The following NTS variants were observed in gnomAD, a reference collection of about 807,000 sequenced individuals.
NTS encodes the protein neurotensin/neuromedin N.
Under a neutral mutation model 19.5 loss-of-function variants are expected in NTS, and 20 were observed. The ratio of observed to expected loss-of-function variants is 1.02; its 90% CI spans 0.72 to 1.49. NTS has a LOEUF of 1.49. NTS is among the 40% of genes most tolerant of loss of function. NTS has a pLI of 0.00. For synonymous variants in NTS, 71 were observed against 63.3 expected (o/e 1.12, Z -0.58); for missense variants, 215 against 193.1 (o/e 1.11, Z -0.67).
chr12:85,874,344 G>T lies in NTS; in HGVS notation c.-60G>T. 8.3e-7 allele frequency: 1 copy of T among 1,205,604 alleles called. No individual in the cohort carries two copies. The highest frequency in any genetic ancestry group is 1.2e-5 in the South Asian group (1 of 82,812). 74.7% of individuals were successfully genotyped at this position (1,205,604 alleles called of 1,614,324 possible). ...GCTGAAGGAAAGAGGAAGTGCTAGA[G>T]AGAGCCCCCTTCAGTGTGCTTCTGA... On this transcript the variant is annotated 5_prime_UTR_variant, in exon 1 of 4. Coordinates refer to ENST00000256010, the MANE Select transcript of NTS (RefSeq NM_006183.5).
rs2136595924 is a variant in NTS at position 85,882,973 on chromosome 12, A to T, written c.*598A>T. On this transcript the variant is annotated 3_prime_UTR_variant, in exon 4 of 4. Coordinates refer to ENST00000256010, the MANE Select transcript of NTS (RefSeq NM_006183.5). ...AATGAACTTGATAGCTAATAAAAAG[A>T]CAACTAGCCATCAAAATCATATGTT... The T allele has an allele frequency of 6.6e-6, 1 of 152,224 alleles. No individual in the cohort carries two copies. Among genetic ancestry groups the T allele is most frequent in the Admixed American group, 6.5e-5 (1 of 15,290 alleles). 9.4% of individuals were successfully genotyped at this position (152,224 alleles called of 1,614,324 possible). A position where few individuals can be genotyped will look rare whatever the true frequency, so the allele number is the denominator to read the frequency against.
intron 1 of NTS, among the ~76,000 whole-genome samples, chr12:85,875,515 T>C (rs1346501315): frequency 1.3e-5 from 2 of 152,094 alleles, no homozygotes; most frequent in Non-Finnish European, 2.9e-5. Flanking sequence ...ATTTTAAATT[T>C]ATTTTAATCA....
intron 3 of NTS, among the ~76,000 whole-genome samples, chr12:85,881,046 AC>A (rs1181018614): frequency 1.3e-5 from 2 of 152,154 alleles, no homozygotes; most frequent in Non-Finnish European, 2.9e-5. Context: ...ATCCAAAAAA[AC>A]CTCAGTAAAC....
intron 3 of NTS, among the ~76,000 whole-genome samples, chr12:85,879,869 A>C (rs1414599045): frequency 6.8e-6 from 1 of 146,022 alleles, no homozygotes; most frequent in Non-Finnish European, 1.5e-5. Context: ...TATATTTAAA[A>C]TATATATAAA....
At chr12:85,882,105 T>A (rs1881515366) in intron 3 of NTS, 118 bp from the exon 4 acceptor site, 1 of 750,118 alleles carries the variant, frequency 1.3e-6, no homozygotes. Context: ...ATGTATCTCG[T>A]ATCTCACCTA....
rs149919918 is a variant in NTS at position 85,882,366 on chromosome 12, C to T, written c.504C>T (p.Tyr168=). The change falls in exon 4 of 4, where the codon TAC becomes TAT. Residue 168 remains tyrosine, a synonymous_variant. Coordinates refer to ENST00000256010, the MANE Select transcript of NTS (RefSeq NM_006183.5). ...CCTACATACTCAAAAGAGATTCTTA[C>T]TATTACTGAGAGAATAAATCATTTA... ...RRPYILKRDS[Y]YY 4.0e-4 allele frequency: 631 copies of T among 1,564,718 alleles called. 7 individuals are homozygous for T. In the African/African-American group the frequency reaches 7.7e-3, roughly 19 times the overall value.
chr12:85,878,582 C>G lies in NTS; in HGVS notation c.360+13C>G. 1 of 1,512,894 alleles carries G rather than the reference C, an allele frequency of 6.6e-7. No individual in the cohort carries two copies. Among genetic ancestry groups the G allele is most frequent in the South Asian group, 1.2e-5 (1 of 83,430 alleles). The allele number at this position is 1,512,894 out of a possible 1,614,324, so 93.7% of individuals were successfully genotyped here. A position where few individuals can be genotyped will look rare whatever the true frequency, so the allele number is the denominator to read the frequency against. On this transcript the variant is annotated intron_variant, in intron 3 of 3. Transcript: ENST00000256010. The stretch of plus-strand genomic sequence containing the variant: ...TCAACACTGGGAGGTATAGCAATAA[C>G]AAAATATTAATATGATTATAGTTAC...
intron 3 of NTS, among the ~76,000 whole-genome samples, chr12:85,881,023 T>C (rs1156479144): frequency 6.6e-6 from 1 of 152,140 alleles, no homozygotes; most frequent in Non-Finnish European, 1.5e-5. Context: ...AAGATGTCCA[T>C]TATATGTTAT....
At chr12:85,876,603 ATG>A in intron 1 of NTS, 35 bp from the exon 2 acceptor site, 1 of 1,239,510 alleles carries the variant, frequency 8.1e-7, no homozygotes, top group Non-Finnish European at 1.2e-6. Flanking sequence ...ATTATATGAT[ATG>A]TAATTATAGT....
chr12:85,881,918 C>T (rs1881511375), intron 3 of NTS, among the ~76,000 whole-genome samples: 1 of 151,900 alleles, frequency 6.6e-6, no homozygotes, highest in African/African-American at 2.4e-5. Context: ...CTTCAAAGGG[C>T]TGGATTAGTG....
intron 3 of NTS, among the ~76,000 whole-genome samples, chr12:85,881,352 A>C (rs1468814338): frequency 6.6e-6 from 1 of 152,176 alleles, no homozygotes; most frequent in Non-Finnish European, 1.5e-5. Context: ...CCCTCAAATT[A>C]GAAGACAACC....
chr12:85,880,012 A>G (rs1270547123), intron 3 of NTS, among the ~76,000 whole-genome samples: 1 of 150,088 alleles, frequency 6.7e-6, no homozygotes, highest in East Asian at 1.9e-4. Context: ...CACCAACCTA[A>G]TATATCCCTA....
intron 3 of NTS, among the ~76,000 whole-genome samples, chr12:85,878,850 T>C (rs1433077904): frequency 6.6e-6 from 1 of 152,040 alleles, no homozygotes; most frequent in African/African-American, 2.4e-5. Context: ...ATGGCATGTT[T>C]AGACAATTTT....
chr12:85,882,602 G>GTATAAT lies in NTS; in HGVS notation c.*228_*229insATAATT. 1 of 388,220 alleles carries GTATAAT rather than the reference G, an allele frequency of 2.6e-6. No individual in the cohort carries two copies. Among genetic ancestry groups the GTATAAT allele is most frequent in the Non-Finnish European group, 4.6e-6 (1 of 218,710 alleles). The allele number at this position is 388,220 out of a possible 1,614,324, so 24.0% of individuals were successfully genotyped here. Reference sequence around the variant, plus strand: ...TATAATTGGAGTAGATATTAATTAAGTCACCTGTATAATGTTTTGTAATTT... The same window carrying GTATAAT: ...TATAATTGGAGTAGATATTAATTAAGTATAATTCACCTGTATAATGTTTTGTAATTT... On this transcript the variant is annotated 3_prime_UTR_variant, in exon 4 of 4. Coordinates refer to ENST00000256010, the MANE Select transcript of NTS (RefSeq NM_006183.5).
rs1881398568 is a variant in NTS at position 85,878,521 on chromosome 12, A to G, written c.312A>G (p.Ile104Met). The change falls in exon 3 of 4, where the codon ATA becomes ATG. Residue 104 changes from isoleucine to methionine, a missense_variant. Transcript: ENST00000256010. ...TTAGCTTGGAAGCAATGTTGACAAT[A>G]TACCAGCTCCACAAAATCTGTCACA... ...DGFSLEAMLTIYQLHKICHSR... is the reference protein window; with the variant it reads ...DGFSLEAMLTMYQLHKICHSR... The G allele has an allele frequency of 1.2e-6, 2 of 1,613,606 alleles. No individual in the cohort carries two copies. The highest frequency in any genetic ancestry group is 1.7e-6 in the Non-Finnish European group (2 of 1,179,738).
Position 85,882,322 on chromosome 12 carries a change from G to A in NTS, c.460G>A (p.Glu154Lys). The change falls in exon 4 of 4, where the codon GAG becomes AAG. Residue 154 changes from glutamate (E) to lysine (K), a missense_variant. By Grantham distance (56) the Glu-to-Lys change is moderately conservative (BLOSUM62 1). Transcript: ENST00000256010. ...IPYILKRQLY[E>K]NKPRRPYILK... ...TTATATTCTGAAACGGCAGCTGTAT[G>A]AGAATAAACCCAGAAGACCCTACAT... The A allele has an allele frequency of 1.2e-6, 2 of 1,608,086 alleles. No individual in the cohort carries two copies. Among genetic ancestry groups the A allele is most frequent in the Non-Finnish European group, 1.7e-6 (2 of 1,177,584 alleles).
At chr12:85,876,881 A>C (rs1881358061) in intron 2 of NTS, among the ~76,000 whole-genome samples, 180 bp downstream of exon 2, 1 of 152,054 alleles carries the variant, frequency 6.6e-6, no homozygotes, top group East Asian at 1.9e-4. Context: ...TTGATATGAC[A>C]GGCAAAGAAA....
At chr12:85,874,503 C>T in intron 1 of NTS, 27 bp downstream of exon 1, 1 of 1,513,524 alleles carries the variant, frequency 6.6e-7, no homozygotes. Context: ...TTCACAACTC[C>T]CTGAAGTGAT....
chr12:85,874,780 T>C (rs1881301462), intron 1 of NTS, among the ~76,000 whole-genome samples: 1 of 152,214 alleles, frequency 6.6e-6, no homozygotes, highest in Non-Finnish European at 1.5e-5. Context: ...CTGATCATTA[T>C]CTAATGAGAA....
Sources: gnomAD v4.1 joint callset for allele counts (sites outside exome capture counted in the v4.1 genomes callset) on GRCh38, gnomAD v4.1.1 for gene constraint, MANE v1.5 for transcripts, NCBI Gene and HGNC (gene_info 2026-07-23, HGNC 2026-07-21) for gene names.